SGK2: variants seen among roughly 807,000 people sequenced by gnomAD.
SGK2 encodes serine/threonine-protein kinase Sgk2.
Under a neutral mutation model 47.5 loss-of-function variants are expected in SGK2, and 36 were observed. The ratio of observed to expected loss-of-function variants is 0.76; its 90% confidence interval spans 0.58 to 1.00. The LOEUF is 1.00. Among genes scored for constraint, SGK2 ranks in the 50% least tolerant of loss-of-function variants. SGK2 has a pLI of 0.00. For missense variants in SGK2, 404 were observed against 467.4 expected, an observed-to-expected ratio of 0.86 and a Z score of 1.25; for synonymous variants, 157 against 181.9, an observed-to-expected ratio of 0.86 and a Z score of 1.10.
At chr20:43,562,972 A>T (rs8121355) in intron 1 of SGK2, among the ~76,000 whole-genome samples, 12,100 of 151,702 alleles carry the variant, frequency 0.08, 1,020 homozygotes, top group African/African-American at 0.21. Context: ...ATCTCTACTT[A>T]AAAAAATACA....
intron 1 of SGK2, among the ~76,000 whole-genome samples, chr20:43,559,875 C>G (rs1490936661): frequency 2.0e-5 from 3 of 152,132 alleles, no homozygotes; most frequent in Admixed American, 2.0e-4. Context: ...AACAGTGGGA[C>G]AGAGGGAGGC....
chr20:43,560,820 G>A (rs754160461), intron 1 of SGK2, among the ~76,000 whole-genome samples: 1 of 152,098 alleles, frequency 6.6e-6, no homozygotes, highest in Admixed American at 6.6e-5. Flanking sequence ...ATTGTACTGG[G>A]CATCTACTAT....
At chr20:43,576,145 C>T (rs1401220139) in intron 10 of SGK2, 79 bp from the exon 11 acceptor site, 1 of 1,551,606 alleles carries the variant, frequency 6.4e-7, no homozygotes, top group Non-Finnish European at 8.8e-7. Context: ...CTCCCAGCCG[C>T]CCACCTTGCT....
At position 43,570,645 on chromosome 20, in the gene SGK2, G is replaced by A. The variant is rs570263979; in HGVS notation, c.389G>A (p.Arg130Gln). Residue 130 changes from arginine to glutamine, a missense_variant, in exon 7 of 13, where the codon CGG becomes CAG. Physicochemically the swap from Arg to Gln is conservative, Grantham distance 43. Transcript: ENST00000373100. ...TTCTTCCACCTGCAGCGGGAGCGCC[G>A]GTTCCTGGAGCCCCGGGCCAGGTTC... Reference protein sequence around the residue: ...ELFFHLQRERRFLEPRARFYA... With the variant: ...ELFFHLQRERQFLEPRARFYA... 36 of 1,611,206 alleles carry A rather than the reference G, an allele frequency of 2.2e-5. No homozygotes were observed. In the South Asian group the frequency reaches 2.3e-4, roughly 10 times the overall value.
chr20:43,578,182 G>A (rs1320045304), intron 11 of SGK2, among the ~76,000 whole-genome samples: 2 of 152,032 alleles, frequency 1.3e-5, no homozygotes, highest in African/African-American at 4.8e-5. Flanking sequence ...TTCTAACATA[G>A]TGGTTAAGAT....
At chr20:43,575,190 C>T (rs548950308) in intron 10 of SGK2, among the ~76,000 whole-genome samples, 186 bp downstream of exon 10, 75 of 152,158 alleles carry the variant, frequency 4.9e-4, no homozygotes, top group African/African-American at 1.8e-3. Flanking sequence ...AGGCCAGGGG[C>T]GGTGGCTCAC....
At chr20:43,576,415 G>A in intron 11 of SGK2, 36 bp downstream of exon 11, 1 of 1,599,060 alleles carries the variant, frequency 6.3e-7, no homozygotes, top group Non-Finnish European at 8.5e-7. Flanking sequence ...GGCCCCCATG[G>A]GGCTCGCAGC....
intron 10 of SGK2, 77 bp from the exon 11 acceptor site, chr20:43,576,147 C>A: frequency 6.4e-7 from 1 of 1,555,262 alleles, no homozygotes; most frequent in Non-Finnish European, 8.8e-7. Flanking sequence ...CCCAGCCGCC[C>A]ACCTTGCTCC....
chr20:43,559,701 C>T lies in SGK2; in HGVS notation c.-24+542C>T, dbSNP rs3127062. Among the ~76,000 whole-genome samples the T allele has an allele frequency of 7.5e-3, 1,136 of 152,194 alleles. 7 individuals carry two copies. Among genetic ancestry groups the T allele is most frequent in the Non-Finnish European group, 0.013 (887 of 68,018 alleles). Reference sequence around the variant, plus strand: ...AGCAGCAGGAGAGGGTGCATGGGATCGGAGGGTCATCTGGCTTCCAGGAAA... The same window carrying T: ...AGCAGCAGGAGAGGGTGCATGGGATTGGAGGGTCATCTGGCTTCCAGGAAA... On this transcript the variant is annotated intron_variant, in intron 1 of 12. Coordinates refer to ENST00000373100, the MANE Select transcript of SGK2 (RefSeq NM_170693.3).
Position 43,561,875 on chromosome 20 carries a change from G to A in SGK2, c.-24+2716G>A, listed in dbSNP as rs535508267. On this transcript the variant is annotated intron_variant, in intron 1 of 12. Transcript: ENST00000373100. ...ATAATCCATTCAAGTGACAATGGGG[G>A]CTCAGGCAGGGCGGTTGCAGCAATG... is the stretch of plus-strand genomic sequence containing the variant. Among the ~76,000 whole-genome samples, 7 of 152,318 alleles carry A rather than the reference G, an allele frequency of 4.6e-5. No individual in the cohort carries two copies. The South Asian group carries it at 6.2e-4, about 14-fold the overall frequency.
intron 10 of SGK2, 45 bp downstream of exon 10, chr20:43,575,049 G>A (rs757448616): frequency 7.5e-7 from 1 of 1,336,802 alleles, no homozygotes; most frequent in South Asian, 1.2e-5. Flanking sequence ...GGCTAGGGAT[G>A]GGTCTGTCTC....
At chr20:43,571,387 G>A (rs903640217) in intron 8 of SGK2, among the ~76,000 whole-genome samples, 9 of 152,100 alleles carry the variant, frequency 5.9e-5, no homozygotes, top group Non-Finnish European at 1.2e-4. Flanking sequence ...CTTTATTGGG[G>A]AACATTCTCA....
intron 6 of SGK2, among the ~76,000 whole-genome samples, chr20:43,569,911 C>T (rs1305473453): frequency 6.6e-6 from 1 of 152,174 alleles, no homozygotes; most frequent in Non-Finnish European, 1.5e-5. Flanking sequence ...TCAAGGCCAC[C>T]TGGTGACCCA....
chr20:43,573,804 A>G (rs1980301875), intron 9 of SGK2, among the ~76,000 whole-genome samples: 1 of 152,188 alleles, frequency 6.6e-6, no homozygotes, highest in Non-Finnish European at 1.5e-5. Flanking sequence ...TGTTTGCTGG[A>G]TAAAGCCAGC....
At chr20:43,583,272 G>A in intron 12 of SGK2, 5 of 1,289,796 alleles carry the variant, frequency 3.9e-6, no homozygotes, top group Non-Finnish European at 5.1e-6. Context: ...ACCCTGGAGA[G>A]AGAACCATAC....
At chr20:43,578,483 T>C (rs1980600209) in intron 11 of SGK2, among the ~76,000 whole-genome samples, 1 of 151,930 alleles carries the variant, frequency 6.6e-6, no homozygotes, top group Non-Finnish European at 1.5e-5. Flanking sequence ...AGTGAGACTC[T>C]ATCTCCAAAA....
At chr20:43,574,532 A>G (rs1245462263) in intron 9 of SGK2, among the ~76,000 whole-genome samples, 1 of 152,242 alleles carries the variant, frequency 6.6e-6, no homozygotes, top group Admixed American at 6.5e-5. Context: ...CGGGCAGACT[A>G]ATTAGAAAAA....
At chr20:43,571,417 G>A (rs999286727) in intron 8 of SGK2, among the ~76,000 whole-genome samples, 2 of 152,080 alleles carry the variant, frequency 1.3e-5, no homozygotes, top group African/African-American at 4.8e-5. Flanking sequence ...ACTTTTAAAG[G>A]GGTAAAAAAA....
chr20:43,560,757 C>G (rs1013783835), intron 1 of SGK2, among the ~76,000 whole-genome samples: 3 of 152,000 alleles, frequency 2.0e-5, no homozygotes. Flanking sequence ...TGTAATTTTC[C>G]ACTTTATATA....
Sources: gnomAD v4.1 joint callset for allele counts (sites outside exome capture counted in the v4.1 genomes callset) on GRCh38, gnomAD v4.1.1 for gene constraint, MANE v1.5 for transcripts, NCBI Gene and HGNC (gene_info 2026-07-23, HGNC 2026-07-21) for gene names.